Variants in ARHGEF28 observed in about 807,000 individuals in gnomAD.
The protein encoded by ARHGEF28 is Rho guanine nucleotide exchange factor 28.
In ARHGEF28, 152 loss-of-function variants were observed where a neutral mutation model predicts 206.6. The ratio of observed to expected loss-of-function variants is 0.74; its 90% CI spans 0.64 to 0.84. The LOEUF is 0.84. Ranked by LOEUF, ARHGEF28 falls within the 40% of genes least tolerant of loss-of-function variation. The probability of loss-of-function intolerance (pLI) is 0.00; values close to 1 mark genes in which losing one functional copy is unlikely to be tolerated. For synonymous variants in ARHGEF28, 763 were observed against 776.4 expected, an observed-to-expected ratio of 0.98 and a Z score of 0.29; for missense variants, 2,028 against 2,073.2, an observed-to-expected ratio of 0.98 and a Z score of 0.42.
chr5:73,841,106 C>T (rs1311219290), intron 11 of ARHGEF28, among the ~76,000 whole-genome samples: 1 of 152,154 alleles, frequency 6.6e-6, no homozygotes, highest in Non-Finnish European at 1.5e-5. Flanking sequence ...AATAATTTGA[C>T]ATTATCTTGT....
chr5:73,642,380 G>C (rs1364315935), intron 1 of ARHGEF28, among the ~76,000 whole-genome samples: 1 of 152,136 alleles, frequency 6.6e-6, no homozygotes, highest in East Asian at 1.9e-4. Flanking sequence ...TTGGCTATTT[G>C]GTTGGTCAAT....
In ARHGEF28 at chr5:73,840,563, G is replaced by A. The variant is rs1189924292; in HGVS notation, c.1230G>A (p.Trp410Ter). The change falls in exon 11 of 36, where the codon TGG becomes TGA. Residue 410 changes from tryptophan (W) to a stop codon, truncating the protein, a stop_gained. Coordinates refer to ENST00000513042, the MANE Select transcript of ARHGEF28 (RefSeq NM_001177693.2). LOFTEE classifies it high-confidence loss of function. ...CTGAATCCAGAGGTTGCACTCTGTG[G>A]CCTCAGAGCAGCAAACACACCCTTC... is the stretch of plus-strand genomic sequence containing the variant. ...TSPESRGCTL[W>*]PQSSKHTLPT... is the part of the protein sequence containing the mutation. The A allele has an allele frequency of 1.2e-6, 2 of 1,613,834 alleles. No homozygotes were observed. The highest frequency in any genetic ancestry group is 2.7e-5 in the African/African-American group (2 of 74,912).
At chr5:73,755,642 G>C (rs1197579796) in intron 4 of ARHGEF28, among the ~76,000 whole-genome samples, 1 of 152,120 alleles carries the variant, frequency 6.6e-6, no homozygotes, top group Non-Finnish European at 1.5e-5. Flanking sequence ...ATACTCTCTA[G>C]TATTTAATCC....
intron 1 of ARHGEF28, among the ~76,000 whole-genome samples, chr5:73,628,729 T>C (rs747723905): frequency 8.5e-5 from 13 of 152,206 alleles, no homozygotes; most frequent in Non-Finnish European, 1.5e-4. Context: ...AATTCTGCCA[T>C]GCTAAAGTTG....
intron 4 of ARHGEF28, 144 bp downstream of exon 4, chr5:73,753,346 G>A (rs1752124715): frequency 1.2e-6 from 1 of 849,314 alleles, no homozygotes; most frequent in Non-Finnish European, 1.7e-6. Context: ...GGCTCCCTGA[G>A]GTCCTGAGCC....
At chr5:73,896,521 T>A (rs2112696089) in intron 29 of ARHGEF28, among the ~76,000 whole-genome samples, 1 of 152,324 alleles carries the variant, frequency 6.6e-6, no homozygotes, top group South Asian at 2.1e-4. Flanking sequence ...GGCTGCTGAA[T>A]GGACAAGAGA....
chr5:73,893,959 A>G (rs1356619742), intron 28 of ARHGEF28, among the ~76,000 whole-genome samples: 1 of 152,208 alleles, frequency 6.6e-6, no homozygotes, highest in African/African-American at 2.4e-5. Context: ...AAGAAATTGG[A>G]TGTTTAGAAA....
intron 1 of ARHGEF28, among the ~76,000 whole-genome samples, chr5:73,661,076 A>T (rs967341099): frequency 3.9e-5 from 6 of 152,234 alleles, no homozygotes; most frequent in African/African-American, 1.4e-4. Context: ...TTTCCAAAAA[A>T]AGGTTGTTTT....
intron 1 of ARHGEF28, among the ~76,000 whole-genome samples, chr5:73,633,656 A>G (rs1405540812): frequency 7.0e-6 from 1 of 143,032 alleles, no homozygotes. Context: ...AGCTCACTGC[A>G]ACCTCCGCCT....
intron 34 of ARHGEF28, 32 bp downstream of exon 34, chr5:73,909,929 C>T: frequency 6.8e-7 from 1 of 1,479,238 alleles, no homozygotes; most frequent in Middle Eastern, 2.5e-4. Flanking sequence ...GTGAGGCAGC[C>T]TCTCAAAGAC....
intron 7 of ARHGEF28, among the ~76,000 whole-genome samples, chr5:73,783,001 T>G (rs1753935538): frequency 1.3e-5 from 2 of 152,170 alleles, no homozygotes; most frequent in Admixed American, 6.5e-5. Flanking sequence ...CTCTTGCAAA[T>G]TTTTCCTCTC....
chr5:73,705,184 G>T (rs1748861827), intron 2 of ARHGEF28, among the ~76,000 whole-genome samples: 1 of 152,192 alleles, frequency 6.6e-6, no homozygotes, highest in Admixed American at 6.5e-5. Flanking sequence ...TAAAACAGAA[G>T]TGGAGGTGCT....
intron 29 of ARHGEF28, among the ~76,000 whole-genome samples, chr5:73,894,990 G>A (rs1319312466): frequency 6.6e-6 from 1 of 152,160 alleles, no homozygotes; most frequent in Non-Finnish European, 1.5e-5. Flanking sequence ...CTGAGGAGCA[G>A]GCAGGGGGAC....
chr5:73,688,317 A>T (rs1008898759), intron 2 of ARHGEF28, among the ~76,000 whole-genome samples: 1 of 152,174 alleles, frequency 6.6e-6, no homozygotes, highest in Non-Finnish European at 1.5e-5. Context: ...CCTCATTCAG[A>T]TAGGTCTTAT....
chr5:73,864,117 A>C (rs535824208), intron 16 of ARHGEF28, among the ~76,000 whole-genome samples: 1 of 152,306 alleles, frequency 6.6e-6, no homozygotes, highest in East Asian at 1.9e-4. Flanking sequence ...GAAAGGACCC[A>C]AAGACAACAG....
At chr5:73,657,267 C>T (rs1332410692) in intron 1 of ARHGEF28, among the ~76,000 whole-genome samples, 14 of 151,226 alleles carry the variant, frequency 9.3e-5, no homozygotes, top group African/African-American at 3.4e-4. Context: ...TTCTCTAGCT[C>T]TGTGCTATAT....
At chr5:73,680,215 A>T (rs1746984232) in intron 1 of ARHGEF28, among the ~76,000 whole-genome samples, 1 of 151,470 alleles carries the variant, frequency 6.6e-6, no homozygotes, top group Admixed American at 6.6e-5. Flanking sequence ...TGTGTGGATC[A>T]CCTGAGGTCA....
At chr5:73,757,089 T>C (rs1213517331) in intron 4 of ARHGEF28, among the ~76,000 whole-genome samples, 1 of 152,244 alleles carries the variant, frequency 6.6e-6, no homozygotes, top group African/African-American at 2.4e-5. Context: ...ATTTTTAATT[T>C]AATAGAGTTT....
At chr5:73,797,759 AT>A (rs1754906152) in intron 9 of ARHGEF28, among the ~76,000 whole-genome samples, 1 of 152,232 alleles carries the variant, frequency 6.6e-6, no homozygotes, top group South Asian at 2.1e-4. Context: ...GGATAAACAC[AT>A]GATAAATGCT....
Sources: gnomAD v4.1 joint callset for allele counts (sites outside exome capture counted in the v4.1 genomes callset) on GRCh38, gnomAD v4.1.1 for gene constraint, MANE v1.5 for transcripts, NCBI Gene and HGNC (gene_info 2026-07-23, HGNC 2026-07-21) for gene names.